Variants in RAB28 observed in about 807,000 individuals in gnomAD.
RAB28 encodes RAB28, member RAS oncogene family, also known as ras-related protein Rab-28.
A neutral mutation model predicts 31.7 loss-of-function variants in RAB28; 24 were observed. That is an observed-to-expected ratio of 0.76 (90% confidence interval 0.55 to 1.06). The LOEUF (loss-of-function observed/expected upper bound fraction) is 1.06. Ranked by LOEUF, RAB28 falls within the 50% of genes least tolerant of loss-of-function variation. RAB28 has a pLI of 0.00. For synonymous variants in RAB28, 100 were observed against 90.4 expected (o/e 1.11, Z -0.60); for missense variants, 254 against 258.5 (o/e 0.98, Z 0.12).
intron 4 of RAB28, among the ~76,000 whole-genome samples, chr4:13,404,904 G>C (rs1433763730): frequency 6.9e-6 from 1 of 144,664 alleles, no homozygotes; most frequent in Middle Eastern, 3.6e-3. Flanking sequence ...TTTCGTTTTT[G>C]TTAAGAAGGA....
chr4:13,462,965 T>A (rs1323750173), intron 3 of RAB28, among the ~76,000 whole-genome samples: 3 of 152,228 alleles, frequency 2.0e-5, no homozygotes, highest in African/African-American at 7.2e-5. Flanking sequence ...CAGGTTGCTG[T>A]TGGATTCCAG....
intron 5 of RAB28, among the ~76,000 whole-genome samples, chr4:13,380,656 T>A (rs1248052302): frequency 6.6e-6 from 1 of 152,130 alleles, no homozygotes. Context: ...GATGTAGTTA[T>A]GGCAATCATA....
chr4:13,444,256 T>A (rs1234269981), intron 4 of RAB28, among the ~76,000 whole-genome samples: 1 of 152,106 alleles, frequency 6.6e-6, no homozygotes, highest in Admixed American at 6.5e-5. Context: ...CTCGATCTCC[T>A]GACCTCATGA....
chr4:13,418,369 C>T (rs191763519), intron 4 of RAB28, among the ~76,000 whole-genome samples: 39 of 152,284 alleles, frequency 2.6e-4, no homozygotes, highest in African/African-American at 8.2e-4. Flanking sequence ...CCCAGCAAGG[C>T]AGGCCAACAT....
intron 3 of RAB28, among the ~76,000 whole-genome samples, chr4:13,471,237 T>C (rs1217261351): frequency 6.6e-6 from 1 of 152,060 alleles, no homozygotes; most frequent in African/African-American, 2.4e-5. Flanking sequence ...GCAATACAGA[T>C]CTACTTTGAA....
chr4:13,435,588 T>A (rs1338385238), intron 4 of RAB28, among the ~76,000 whole-genome samples: 1 of 152,158 alleles, frequency 6.6e-6, no homozygotes, highest in African/African-American at 2.4e-5. Context: ...CAAAGACTAC[T>A]GCAAACACGT....
At chr4:13,443,976 G>A (rs1202418650) in intron 4 of RAB28, among the ~76,000 whole-genome samples, 1 of 149,674 alleles carries the variant, frequency 6.7e-6, no homozygotes, top group Admixed American at 6.7e-5. Context: ...TTAGCATAAT[G>A]TTCTCCAAGT....
intron 4 of RAB28, among the ~76,000 whole-genome samples, chr4:13,387,513 T>C (rs188253619): frequency 6.4e-4 from 97 of 152,144 alleles, no homozygotes; most frequent in African/African-American, 2.1e-3. Flanking sequence ...CAAAAATCCA[T>C]ACCTCATTGT....
intron 4 of RAB28, among the ~76,000 whole-genome samples, chr4:13,451,727 T>C (rs1714977871): frequency 6.6e-6 from 1 of 151,944 alleles, no homozygotes; most frequent in Non-Finnish European, 1.5e-5. Flanking sequence ...TTTAGGTTTT[T>C]TATACATTTT....
chr4:13,435,839 G>C (rs191884037), intron 4 of RAB28, among the ~76,000 whole-genome samples: 9 of 152,184 alleles, frequency 5.9e-5, no homozygotes, highest in Admixed American at 5.9e-4. Context: ...ATTCCAAAAA[G>C]TCAAGGAGGG....
intron 4 of RAB28, among the ~76,000 whole-genome samples, chr4:13,384,743 C>T (rs1460311176): frequency 6.6e-6 from 1 of 152,124 alleles, no homozygotes; most frequent in Non-Finnish European, 1.5e-5. Context: ...ACCGAAAGAA[C>T]ATAAGCCCCC....
At chr4:13,441,277 T>C (rs1714399773) in intron 4 of RAB28, among the ~76,000 whole-genome samples, 1 of 152,158 alleles carries the variant, frequency 6.6e-6, no homozygotes, top group Non-Finnish European at 1.5e-5. Context: ...ATGCCTTTAA[T>C]ACATATATTC....
In RAB28 at chr4:13,474,730, C is replaced by T. The variant is rs529042190; in HGVS notation, c.173-324G>A. On this transcript the variant is annotated intron_variant, in intron 2 of 6. Coordinates refer to ENST00000330852, the MANE Select transcript of RAB28 (RefSeq NM_001017979.3). ...TTTTCTTAGAGAACAGAATGAAGCA[C>T]ATGTCCATGGAGCAAGAAATATACT... 3.4e-4 allele frequency among the ~76,000 whole-genome samples: 51 copies of T among 151,714 alleles called. No homozygotes were observed. In the South Asian group the frequency reaches 0.01, roughly 30 times the overall value.
chr4:13,441,362 A>G (rs1714406409), intron 4 of RAB28, among the ~76,000 whole-genome samples: 1 of 152,240 alleles, frequency 6.6e-6, no homozygotes, highest in African/African-American at 2.4e-5. Flanking sequence ...AATCCTTTAA[A>G]AAGTAATTAA....
intron 4 of RAB28, among the ~76,000 whole-genome samples, chr4:13,448,861 T>C (rs1714830168): frequency 6.6e-6 from 1 of 151,942 alleles, no homozygotes; most frequent in Non-Finnish European, 1.5e-5. Flanking sequence ...AAGTAAATGA[T>C]CACACTTCTA....
At chr4:13,467,418 T>C (rs1039548698) in intron 3 of RAB28, among the ~76,000 whole-genome samples, 5 of 151,896 alleles carry the variant, frequency 3.3e-5, no homozygotes, top group Admixed American at 1.3e-4. Context: ...ATTTTTCTTA[T>C]TGTTAATTGA....
At chr4:13,369,574 T>A (rs1312567693) in intron 6 of RAB28, among the ~76,000 whole-genome samples, 1 of 152,118 alleles carries the variant, frequency 6.6e-6, no homozygotes, top group Admixed American at 6.6e-5. Flanking sequence ...GAATGAATAA[T>A]GAAATAACTG....
At chr4:13,411,941 T>C (rs931935810) in intron 4 of RAB28, among the ~76,000 whole-genome samples, 1 of 151,596 alleles carries the variant, frequency 6.6e-6, no homozygotes, top group Non-Finnish European at 1.5e-5. Flanking sequence ...ATATAAATTA[T>C]GAGAGACAAA....
At position 13,460,696 on chromosome 4, in the gene RAB28, T is replaced by C. The variant is rs375840543; in HGVS notation, c.391+3A>G. ...CATACATAAACAAGCAGTAATAACT[T>C]ACTTTTATTGCCTACCAAGGCAACC... On this transcript the variant is annotated splice_donor_region_variant and intron_variant, in intron 4 of 6. Coordinates refer to ENST00000330852, the MANE Select transcript of RAB28 (RefSeq NM_001017979.3). The C allele has an allele frequency of 1.9e-5, 31 of 1,613,800 alleles. No individual in the cohort carries two copies. Among genetic ancestry groups the C allele is most frequent in the Non-Finnish European group, 2.3e-5 (27 of 1,179,876 alleles).
Sources: gnomAD v4.1 joint callset for allele counts (sites outside exome capture counted in the v4.1 genomes callset) on GRCh38, gnomAD v4.1.1 for gene constraint, MANE v1.5 for transcripts, NCBI Gene and HGNC (gene_info 2026-07-23, HGNC 2026-07-21) for gene names.